Variants in KIDINS220 observed in about 807,000 individuals in gnomAD.
KIDINS220 encodes the protein kinase D-interacting substrate of 220 kDa.
KIDINS220 carries 63 observed loss-of-function variants against 157.6 expected under a neutral mutation model. That is an observed-to-expected ratio of 0.40 (90% confidence interval 0.33 to 0.49). The LOEUF is 0.49. Ranked by LOEUF, KIDINS220 falls within the 20% of genes least tolerant of loss-of-function variation. The pLI is 0.66. For missense variants in KIDINS220, 1,772 were observed against 2,171.2 expected (o/e 0.82, Z 3.65); for synonymous variants, 732 against 783.6 (o/e 0.93, Z 1.10).
Position 8,736,915 on chromosome 2 carries a change from C to G in KIDINS220, c.3670G>C (p.Gly1224Arg), listed in dbSNP as rs1314124397. The change falls in exon 27 of 30, where the codon GGG becomes CGG. Residue 1224 changes from glycine (G) to arginine (R), a missense_variant. Transcript: ENST00000256707. Reference protein sequence around the residue: ...AVCEKLKQIEGLDQSMLPQYC... With the variant: ...AVCEKLKQIERLDQSMLPQYC... ...TGAGGCAGCATACTCTGGTCCAGCC[C>G]TTCTATTTGTTTCAGCTTCTCACAT... 6 of 1,614,066 alleles carry G rather than the reference C, an allele frequency of 3.7e-6. No homozygotes were observed. Among genetic ancestry groups the G allele is most frequent in the Non-Finnish European group, 5.1e-6 (6 of 1,180,036 alleles).
chr2:8,801,559 A>G (rs1674700177), intron 8 of KIDINS220, among the ~76,000 whole-genome samples: 1 of 152,222 alleles, frequency 6.6e-6, no homozygotes, highest in African/African-American at 2.4e-5. Context: ...TACAATAAAC[A>G]AAAAATCATA....
At chr2:8,760,489 T>A (rs962188793) in intron 22 of KIDINS220, among the ~76,000 whole-genome samples, 2 of 152,212 alleles carry the variant, frequency 1.3e-5, no homozygotes, top group African/African-American at 4.8e-5. Flanking sequence ...GATTCACCTA[T>A]AAAACAATAT....
chr2:8,730,966 A>C lies in KIDINS220; in HGVS notation c.5070T>G (p.Ala1690=). Residue 1690 remains alanine, a synonymous_variant, in exon 30 of 30, where the codon GCT becomes GCG. Transcript: ENST00000256707. ...PSTVTLNNNS[A]PANRANQNFD... is the part of the protein sequence containing the mutation. ...AATTTTGATTGGCTCTGTTGGCTGGAGCACTATTGTTGTTCAGAGTCACGG... is the reference window on the plus strand; with the variant it reads ...AATTTTGATTGGCTCTGTTGGCTGGCGCACTATTGTTGTTCAGAGTCACGG... 1.9e-6 allele frequency: 3 copies of C among 1,614,132 alleles called. No homozygotes were observed. Among genetic ancestry groups the C allele is most frequent in the Non-Finnish European group, 2.5e-6 (3 of 1,180,040 alleles).
intron 4 of KIDINS220, among the ~76,000 whole-genome samples, chr2:8,815,098 C>T (rs1210250367): frequency 6.6e-6 from 1 of 152,126 alleles, no homozygotes; most frequent in Non-Finnish European, 1.5e-5. Flanking sequence ...CATGTCCTCA[C>T]TTCAATTTGA....
intron 10 of KIDINS220, among the ~76,000 whole-genome samples, chr2:8,797,180 G>A (rs1432304014): frequency 2.0e-5 from 3 of 152,150 alleles, no homozygotes; most frequent in African/African-American, 7.2e-5. Context: ...CCCCTCCAGA[G>A]GCTACTTCCC....
chr2:8,777,036 T>C, intron 20 of KIDINS220, 144 bp from the exon 21 acceptor site: 1 of 799,206 alleles, frequency 1.3e-6, no homozygotes, highest in Non-Finnish European at 1.9e-6. Flanking sequence ...AATAAATTAT[T>C]ATCTGTGAGG....
At chr2:8,813,173 C>A in intron 5 of KIDINS220, 64 bp downstream of exon 5, 1 of 1,051,132 alleles carries the variant, frequency 9.5e-7, no homozygotes, top group South Asian at 1.4e-5. Flanking sequence ...TATAATCAAC[C>A]TTAAGTATTC....
chr2:8,836,002 G>A (rs1680331135), intron 1 of KIDINS220, among the ~76,000 whole-genome samples: 2 of 152,108 alleles, frequency 1.3e-5, no homozygotes, highest in South Asian at 2.1e-4. Context: ...ACACAAGAGA[G>A]GCAGTGGGAA....
intron 26 of KIDINS220, among the ~76,000 whole-genome samples, chr2:8,739,635 G>T (rs932070642): frequency 6.6e-6 from 1 of 152,092 alleles, no homozygotes; most frequent in South Asian, 2.1e-4. Flanking sequence ...TAGAAAATAA[G>T]CATATTACTT....
intron 7 of KIDINS220, among the ~76,000 whole-genome samples, chr2:8,804,295 G>A (rs901127345): frequency 6.6e-6 from 1 of 152,204 alleles, no homozygotes; most frequent in Admixed American, 6.5e-5. Flanking sequence ...ATCTGGTACT[G>A]TCTCTTCTCA....
At chr2:8,762,644 C>T (rs1306876828) in intron 22 of KIDINS220, among the ~76,000 whole-genome samples, 1 of 152,010 alleles carries the variant, frequency 6.6e-6, no homozygotes, top group African/African-American at 2.4e-5. Context: ...GAGGCTGAGG[C>T]AGGAGAATGG....
chr2:8,744,589 C>T (rs1666288548), intron 26 of KIDINS220, among the ~76,000 whole-genome samples: 1 of 151,056 alleles, frequency 6.6e-6, no homozygotes, highest in South Asian at 2.1e-4. Context: ...ATAGAGACGG[C>T]TGACTGAGCA....
chr2:8,732,597 G>C (rs969655583), intron 29 of KIDINS220, among the ~76,000 whole-genome samples: 1 of 152,152 alleles, frequency 6.6e-6, no homozygotes, highest in African/African-American at 2.4e-5. Context: ...AAGAAACAAG[G>C]AGCAAAAAGT....
chr2:8,733,821 ATT>A, intron 28 of KIDINS220, 141 bp from the exon 29 acceptor site: 2 of 595,938 alleles, frequency 3.4e-6, no homozygotes, highest in East Asian at 5.8e-5. Context: ...TTTCTAGTGA[ATT>A]TGTTTTATAC....
rs1663888168 is a variant in KIDINS220 at position 8,730,468 on chromosome 2, C to T, written c.*252G>A. ...TCTCAAAAAGTTTTATGGGGTAATG[C>T]GCCAATGAAAGGTACAGTAGTATTA... On this transcript the variant is annotated 3_prime_UTR_variant, in exon 30 of 30. Transcript: ENST00000256707. 12 of 1,299,654 alleles carry T rather than the reference C, an allele frequency of 9.2e-6. No individual in the cohort carries two copies. The East Asian group carries it at 1.8e-4, about 20-fold the overall frequency. 80.5% of individuals were successfully genotyped at this position (1,299,654 alleles called of 1,614,324 possible).
chr2:8,765,557 G>A lies in KIDINS220; in HGVS notation c.3011+5113C>T, dbSNP rs141258714. Among the ~76,000 whole-genome samples, 13 of 152,166 alleles carry A rather than the reference G, an allele frequency of 8.5e-5. No individual in the cohort carries two copies. In the East Asian group the frequency reaches 2.1e-3, roughly 25 times the overall value. ...GTATTGCGACAGGGGAGACACAAAG[G>A]GAAATTAGTCTTATAAATTCTTGCA... On this transcript the variant is annotated intron_variant, in intron 22 of 29. Transcript: ENST00000256707.
intron 26 of KIDINS220, 113 bp from the exon 27 acceptor site, chr2:8,737,112 A>G: frequency 2.9e-6 from 3 of 1,039,058 alleles, no homozygotes; most frequent in Middle Eastern, 4.3e-4. Context: ...AAGTAAAAAA[A>G]AACAAATATG....
At chr2:8,831,762 T>C (rs1044694857) in intron 1 of KIDINS220, among the ~76,000 whole-genome samples, 2 of 152,230 alleles carry the variant, frequency 1.3e-5, no homozygotes, top group African/African-American at 4.8e-5. Context: ...TGTCGGGAAC[T>C]GACCCGGCAC....
At chr2:8,761,132 C>T (rs1200806531) in intron 22 of KIDINS220, among the ~76,000 whole-genome samples, 2 of 152,144 alleles carry the variant, frequency 1.3e-5, no homozygotes, top group African/African-American at 2.4e-5. Flanking sequence ...CTGTTTTAGG[C>T]ATCACTAGCA....
Sources: gnomAD v4.1 joint callset for allele counts (sites outside exome capture counted in the v4.1 genomes callset) on GRCh38, gnomAD v4.1.1 for gene constraint, MANE v1.5 for transcripts, NCBI Gene and HGNC (gene_info 2026-07-23, HGNC 2026-07-21) for gene names.